The following ARSG variants were observed in gnomAD, a reference collection of about 807,000 sequenced individuals.
The protein encoded by ARSG is arylsulfatase G.
A neutral mutation model predicts 50.5 loss-of-function variants in ARSG; 37 were observed. That is an observed-to-expected ratio of 0.73 (90% CI 0.56 to 0.96). The LOEUF (loss-of-function observed/expected upper bound fraction) is 0.96. ARSG is among the 50% of genes least tolerant of loss of function. ARSG has a pLI of 0.00. For synonymous variants in ARSG, 225 were observed against 254.6 expected, an observed-to-expected ratio of 0.88 and a Z score of 1.11; for missense variants, 629 against 675.3, an observed-to-expected ratio of 0.93 and a Z score of 0.76.
chr17:68,337,190 A>T (rs927110600), intron 2 of ARSG, among the ~76,000 whole-genome samples: 12 of 152,120 alleles, frequency 7.9e-5, no homozygotes, highest in Non-Finnish European at 1.6e-4. Context: ...GGAAACACTG[A>T]GGGCAGCCCT....
intron 11 of ARSG, 97 bp downstream of exon 11, chr17:68,401,547 C>G (rs1231915885): frequency 1.8e-6 from 2 of 1,125,432 alleles, no homozygotes; most frequent in Non-Finnish European, 1.3e-6. Context: ...GTGTGAGTCC[C>G]TCCTTTGTGG....
At chr17:68,278,609 T>C (rs1323370046) in intron 1 of ARSG, among the ~76,000 whole-genome samples, 2 of 144,846 alleles carry the variant, frequency 1.4e-5, no homozygotes, top group African/African-American at 5.2e-5. Context: ...TAATGTTTTT[T>C]CTTTTTCCTT....
intron 2 of ARSG, among the ~76,000 whole-genome samples, chr17:68,341,390 T>A (rs368436131): frequency 6.6e-6 from 1 of 152,220 alleles, no homozygotes; most frequent in East Asian, 1.9e-4. Flanking sequence ...GCTTTCCCCC[T>A]CCACATACTG....
In ARSG at chr17:68,273,974, A is replaced by G. The variant is rs1555750018; in HGVS notation, c.-552+14548A>G. 3.1e-6 allele frequency: 5 copies of G among 1,614,154 alleles called. No individual in the cohort carries two copies. In the South Asian group the frequency reaches 5.5e-5, roughly 18 times the overall value. On this transcript the variant is annotated intron_variant, in intron 1 of 11. Transcript: ENST00000448504. ...GTACATATGAGAAACCTCTTGTGAG[A>G]AGGAGGCGGCCACCATCCCGGTGCT...
chr17:68,336,314 G>T (rs569622103), intron 2 of ARSG, among the ~76,000 whole-genome samples: 1 of 142,056 alleles, frequency 7.0e-6, no homozygotes, highest in East Asian at 2.1e-4. Context: ...GATTCAAGCG[G>T]TTCTCCTGCC....
At position 68,399,616 on chromosome 17, in the gene ARSG, C is replaced by T. The variant is rs1416239547; in HGVS notation, c.1213-1744C>T. Among the ~76,000 whole-genome samples, 2 of 152,166 alleles carry T rather than the reference C, an allele frequency of 1.3e-5. No individual in the cohort carries two copies. The highest frequency in any genetic ancestry group is 2.9e-5 in the Non-Finnish European group (2 of 68,032). The stretch of plus-strand genomic sequence containing the variant: ...AATGCATAGACAAGTTCTCCAAAGT[C>T]CATCTATGTTTCTGAGAATGAGCCA... On this transcript the variant is annotated intron_variant, in intron 10 of 11. Coordinates refer to ENST00000621439, the MANE Select transcript of ARSG (RefSeq NM_001267727.2). This position sits in a 1 kb window ranked among gnomAD's most constrained non-coding sequence, Gnocchi z 4.6.
At chr17:68,396,161 C>A (rs999609203) in intron 10 of ARSG, among the ~76,000 whole-genome samples, 1 of 152,024 alleles carries the variant, frequency 6.6e-6, no homozygotes, top group East Asian at 1.9e-4. Context: ...CCCTCCCGAG[C>A]CCATGCCACC....
At chr17:68,446,212 G>A in the ARSG span, among the ~76,000 whole-genome samples, 1 of 151,064 alleles carries the variant, frequency 6.6e-6, no homozygotes, top group Non-Finnish European at 1.5e-5. Context: ...ACAGGGTCTC[G>A]TTCTGTCACC....
At chr17:68,433,507 T>G in the ARSG span, 2 of 1,614,064 alleles carry the variant, frequency 1.2e-6, no homozygotes. Flanking sequence ...GTGTACCGTC[T>G]CGGTGTTACT....
At chr17:68,394,562 A>G (rs1030884614) in intron 9 of ARSG, among the ~76,000 whole-genome samples, 1 of 152,134 alleles carries the variant, frequency 6.6e-6, no homozygotes, top group African/African-American at 2.4e-5. Flanking sequence ...TCAGCCCAGG[A>G]GTTCAAGGTT....
chr17:68,304,243 A>AG (rs532677583), intron 1 of ARSG, among the ~76,000 whole-genome samples: 46 of 152,368 alleles, frequency 3.0e-4, no homozygotes, highest in Middle Eastern at 6.8e-3. Context: ...ATCAAGCAGC[A>AG]GGTCCACAGG....
upstream of ARSG, among the ~76,000 whole-genome samples, chr17:68,289,230 C>A (rs1240096961): frequency 6.6e-6 from 1 of 151,916 alleles, no homozygotes; most frequent in Non-Finnish European, 1.5e-5. Context: ...CCCGGGAGGT[C>A]GAGGCTGCAA....
Position 68,354,871 on chromosome 17 carries a change from C to G in ARSG, c.567-1796C>G, listed in dbSNP as rs150177029. ...AGAGTGAGACCCTGTGTCAAAAAAA[C>G]AAAACAAAACAAAAATTGTGGTTTT... On this transcript the variant is annotated intron_variant, in intron 5 of 11. Transcript: ENST00000621439. Among the ~76,000 whole-genome samples, 164 of 152,218 alleles carry G rather than the reference C, an allele frequency of 1.1e-3. 1 individual carries two copies. The highest frequency in any genetic ancestry group is 3.8e-3 in the African/African-American group (159 of 41,530).
the ARSG span, chr17:68,428,466 C>T: frequency 4.9e-6 from 1 of 205,516 alleles, no homozygotes; most frequent in Admixed American, 5.5e-5. Flanking sequence ...CACCTGGACT[C>T]AAGCCATCCA....
At chr17:68,435,247 T>G in the ARSG span, among the ~76,000 whole-genome samples, 4 of 152,210 alleles carry the variant, frequency 2.6e-5, no homozygotes, top group East Asian at 7.7e-4. Flanking sequence ...TTTCTCTGAT[T>G]ATTCCAGGCA....
At chr17:68,285,116 T>C (rs1157434958) in intron 1 of ARSG, among the ~76,000 whole-genome samples, 1 of 152,196 alleles carries the variant, frequency 6.6e-6, no homozygotes. Flanking sequence ...GCATCTGAAA[T>C]GCATCCTATG....
chr17:68,437,947 TTAAAAAA>T, the ARSG span, among the ~76,000 whole-genome samples: 8 of 58,784 alleles, frequency 1.4e-4, no homozygotes, highest in Admixed American at 4.4e-4. Flanking sequence ...GACATCTCTC[TTAAAAAA>T]AAAAAAAAAA....
intron 1 of ARSG, among the ~76,000 whole-genome samples, chr17:68,281,168 T>TAGACAATA (rs2075684022): frequency 6.7e-6 from 1 of 148,608 alleles, no homozygotes; most frequent in South Asian, 2.1e-4. Context: ...CACAGAAGGG[T>TAGACAATA]AGACAATATT....
chr17:68,424,337 A>G (rs74000709), downstream of ARSG: 1,483 of 477,304 alleles, frequency 3.1e-3, 28 homozygotes, highest in African/African-American at 0.027. Flanking sequence ...CAACAGCCCC[A>G]GCCCTGCATG....
Sources: allele counts gnomAD v4.1 joint callset (sites outside exome capture counted in the v4.1 genomes callset), GRCh38; gene constraint gnomAD v4.1.1; non-coding constraint Gnocchi (gnomAD v3.1); transcripts MANE v1.5; gene names NCBI Gene and HGNC (gene_info 2026-07-23, HGNC 2026-07-21).